Variants in MAP4K4 observed in about 807,000 individuals in gnomAD.
MAP4K4 encodes the protein mitogen-activated protein kinase kinase kinase kinase 4.
In MAP4K4, 38 loss-of-function variants were observed where a neutral mutation model predicts 189.6. The observed-to-expected ratio is 0.20, with a 90% CI of 0.15 to 0.26. MAP4K4 has a LOEUF of 0.26. Ranked by LOEUF, MAP4K4 falls within the 10% of genes least tolerant of loss-of-function variation. The pLI, the probability that MAP4K4 is intolerant of heterozygous loss-of-function variation, is 1.00. For synonymous variants in MAP4K4, 610 were observed against 624.3 expected, an observed-to-expected ratio of 0.98 and a Z score of 0.34; for missense variants, 1,054 against 1,726.9, an observed-to-expected ratio of 0.61 and a Z score of 6.91.
chr2:101,747,767 G>T (rs966939534), intron 2 of MAP4K4, among the ~76,000 whole-genome samples: 1 of 152,126 alleles, frequency 6.6e-6, no homozygotes, highest in Admixed American at 6.5e-5. Context: ...AAACAAAACA[G>T]ATCCCAAATA....
intron 2 of MAP4K4, among the ~76,000 whole-genome samples, chr2:101,770,063 G>T (rs934441833): frequency 6.6e-6 from 1 of 152,080 alleles, no homozygotes; most frequent in African/African-American, 2.4e-5. Context: ...TTACTAGGAG[G>T]ATGAGCTCAC....
intron 3 of MAP4K4, among the ~76,000 whole-genome samples, chr2:101,823,139 C>A (rs2096174135): frequency 6.6e-6 from 1 of 152,210 alleles, no homozygotes; most frequent in Admixed American, 6.5e-5. Flanking sequence ...TAACAGACTT[C>A]TCAGACTTTG....
exon 32 of MAP4K4, chr2:101,888,852 T>A (rs1389376060): frequency 6.2e-7 from 1 of 1,613,704 alleles, no homozygotes; most frequent in Admixed American, 1.7e-5. Flanking sequence ...AGAGATCCGA[T>A]CTGTGGAAAC....
chr2:101,873,571 T>G (rs1442100973), intron 24 of MAP4K4, 76 bp from the exon 25 acceptor site: 19 of 779,160 alleles, frequency 2.4e-5, no homozygotes, highest in Non-Finnish European at 2.2e-5. Context: ...AATATAGAAG[T>G]GAATTGAAAT....
intron 2 of MAP4K4, among the ~76,000 whole-genome samples, chr2:101,701,760 C>T (rs1345332457): frequency 6.6e-6 from 1 of 151,968 alleles, no homozygotes; most frequent in African/African-American, 2.4e-5. Context: ...ATTCAGAGTA[C>T]CATATATTTA....
intron 5 of MAP4K4, among the ~76,000 whole-genome samples, chr2:101,829,063 A>G (rs1194253504): frequency 6.6e-6 from 1 of 152,224 alleles, no homozygotes; most frequent in African/African-American, 2.4e-5. Context: ...AAGGCTAGCC[A>G]GTGTTAAAGA....
At chr2:101,708,338 C>T (rs1256909895) in intron 2 of MAP4K4, among the ~76,000 whole-genome samples, 2 of 152,132 alleles carry the variant, frequency 1.3e-5, no homozygotes, top group Non-Finnish European at 2.9e-5. Context: ...AGAACAATAA[C>T]AATACCAATG....
chr2:101,770,240 A>ATT (rs34574782), intron 2 of MAP4K4, among the ~76,000 whole-genome samples: 805 of 75,134 alleles, frequency 0.011, 9 homozygotes, highest in East Asian at 0.028. Flanking sequence ...GTTCATTCTG[A>ATT]TTTTTTTTTT....
chr2:101,709,399 C>T (rs892776102), intron 2 of MAP4K4, among the ~76,000 whole-genome samples: 9 of 152,278 alleles, frequency 5.9e-5, no homozygotes, highest in East Asian at 1.9e-4. Context: ...GATGGGGTTT[C>T]GCCCTGTTGG....
intron 2 of MAP4K4, among the ~76,000 whole-genome samples, chr2:101,786,678 CTT>C (rs962301266): frequency 2.0e-5 from 3 of 152,168 alleles, no homozygotes; most frequent in African/African-American, 7.2e-5. Flanking sequence ...GAGTCCCTCT[CTT>C]GAAGTATGTA....
chr2:101,808,761 T>C (rs1394061107), intron 3 of MAP4K4, among the ~76,000 whole-genome samples: 1 of 152,142 alleles, frequency 6.6e-6, no homozygotes, highest in Non-Finnish European at 1.5e-5. Flanking sequence ...TTGGCTTAAC[T>C]CCTGTTAAAG....
intron 2 of MAP4K4, among the ~76,000 whole-genome samples, chr2:101,765,810 A>G (rs2078387477): frequency 6.6e-6 from 1 of 152,190 alleles, no homozygotes; most frequent in Admixed American, 6.5e-5. Context: ...TAGAAATTTC[A>G]CAATTAAAAG....
intron 3 of MAP4K4, among the ~76,000 whole-genome samples, chr2:101,806,202 A>G (rs903311193): frequency 6.6e-6 from 1 of 152,188 alleles, no homozygotes; most frequent in Non-Finnish European, 1.5e-5. Flanking sequence ...TACCTAGGAA[A>G]GCAACAATAA....
chr2:101,893,424 G>A, exon 33 of MAP4K4: 1 of 350,456 alleles, frequency 2.9e-6, no homozygotes, highest in Non-Finnish European at 5.7e-6. Context: ...TTTGAGGTAG[G>A]CTGGATTCCA....
Position 101,829,496 on chromosome 2 carries a change from C to T in MAP4K4, c.418-8C>T, listed in dbSNP as rs1212677870. 18 of 1,598,122 alleles carry T rather than the reference C, an allele frequency of 1.1e-5. No homozygotes were observed. The highest frequency in any genetic ancestry group is 1.5e-5 in the Non-Finnish European group (18 of 1,169,446). On this transcript the variant is annotated splice_region_variant and splice_polypyrimidine_tract_variant and intron_variant, in intron 5 of 32. Coordinates refer to ENST00000324219, the Ensembl canonical transcript of MAP4K4. ...AAACTAAAATTCAGGTCTGTCTTTC[C>T]TATTCAGGGACTGGCACATCTTCAC...
At chr2:101,701,639 G>T (rs1031763237) in intron 2 of MAP4K4, among the ~76,000 whole-genome samples, 1 of 152,108 alleles carries the variant, frequency 6.6e-6, no homozygotes, top group African/African-American at 2.4e-5. Flanking sequence ...TTAAAAGAAG[G>T]AGGTGAAAAA....
chr2:101,747,932 G>A (rs985115542), intron 2 of MAP4K4, among the ~76,000 whole-genome samples: 10 of 152,226 alleles, frequency 6.6e-5, no homozygotes, highest in Non-Finnish European at 1.5e-4. Context: ...GTAGGTGCTT[G>A]AGGAACTGGT....
At chr2:101,803,244 G>GT (rs1558993935) in intron 3 of MAP4K4, among the ~76,000 whole-genome samples, 2 of 41,024 alleles carry the variant, frequency 4.9e-5, no homozygotes, top group African/African-American at 3.6e-4. Flanking sequence ...TGATGATGAT[G>GT]ATGTGTGTGT....
At chr2:101,719,648 C>G (rs560074152) in intron 2 of MAP4K4, among the ~76,000 whole-genome samples, 1 of 152,270 alleles carries the variant, frequency 6.6e-6, no homozygotes, top group South Asian at 2.1e-4. Flanking sequence ...TCTCTTGCAC[C>G]TAGGAAAGCA....
Sources: allele counts gnomAD v4.1 joint callset (sites outside exome capture counted in the v4.1 genomes callset), GRCh38; gene constraint gnomAD v4.1.1; transcripts MANE v1.5; gene names NCBI Gene and HGNC (gene_info 2026-07-23, HGNC 2026-07-21).